The following NAPA variants were observed in gnomAD, a reference collection of about 807,000 sequenced individuals.
NAPA encodes the protein NSF attachment protein alpha, also known as alpha-soluble NSF attachment protein.
A neutral mutation model predicts 48.0 loss-of-function variants in NAPA; 18 were observed. The observed-to-expected ratio is 0.38, with a 90% confidence interval of 0.26 to 0.56. The LOEUF (loss-of-function observed/expected upper bound fraction) is 0.56. Ranked by LOEUF, NAPA falls within the 20% of genes least tolerant of loss-of-function variation. The pLI, the probability that NAPA is intolerant of heterozygous loss-of-function variation, is 0.77. For missense variants in NAPA, 315 were observed against 385.0 expected (o/e 0.82, Z 1.52); for synonymous variants, 152 against 149.9 (o/e 1.01, Z -0.10).
At chr19:47,509,165 C>A (rs1968752369) in intron 1 of NAPA, among the ~76,000 whole-genome samples, 2 of 152,048 alleles carry the variant, frequency 1.3e-5, no homozygotes, top group Non-Finnish European at 2.9e-5. Context: ...ATAGTCAATA[C>A]TTGGCACAGA....
chr19:47,507,509 C>A lies in NAPA; in HGVS notation c.99-4007G>T, dbSNP rs543496340. Among the ~76,000 whole-genome samples the A allele has an allele frequency of 2.7e-4, 41 of 152,152 alleles. 1 individual carries two copies. The highest frequency in any genetic ancestry group is 5.0e-4 in the Non-Finnish European group (34 of 68,022). ...CGAGGCAGGGTGGACAAAGTCAGGCCCCCATTTCGGGTCCTGGACTCACTC... is the reference window on the plus strand; with the variant it reads ...CGAGGCAGGGTGGACAAAGTCAGGCACCCATTTCGGGTCCTGGACTCACTC... On this transcript the variant is annotated intron_variant, in intron 1 of 10. Transcript: ENST00000263354.
chr19:47,513,051 C>G (rs2122786471), intron 1 of NAPA, among the ~76,000 whole-genome samples: 1 of 152,318 alleles, frequency 6.6e-6, no homozygotes, highest in Middle Eastern at 3.4e-3. Context: ...AGTCCTTTCC[C>G]AGGTCTCCTC....
chr19:47,488,292 C>T lies in NAPA; in HGVS notation c.884G>A (p.Arg295His). The T allele has an allele frequency of 6.2e-7, 1 of 1,612,274 alleles. No individual in the cohort carries two copies. The highest frequency in any genetic ancestry group is 8.5e-7 in the Non-Finnish European group (1 of 1,178,898). Reference sequence around the variant, plus strand: ...CACTGGGGGGCTGGGTGGGGCTTAGCGCAGGTCCTCCTCATCGCCCTGGAT... The same window carrying T: ...CACTGGGGGGCTGGGTGGGGCTTAGTGCAGGTCCTCCTCATCGCCCTGGAT... ...KTIQGDEEDL[R>H] Residue 295 changes from arginine (R) to histidine (H), a missense_variant, in exon 11 of 11, where the codon CGC becomes CAC. By Grantham distance (29) the Arg-to-His change is conservative (BLOSUM62 0). This residue lies in a region of NAPA where 137 missense variants were observed against 150.1 expected (regional missense o/e 0.91). Coordinates refer to ENST00000263354, the MANE Select transcript of NAPA (RefSeq NM_003827.4).
In NAPA at chr19:47,493,770, C is replaced by G; in HGVS notation, c.343-277G>C. Reference sequence around the variant, plus strand: ...TAATTCCATCCCATCCACGAGGGCACAGATGGTGTGACACCAGAGAGAATG... The same window carrying G: ...TAATTCCATCCCATCCACGAGGGCAGAGATGGTGTGACACCAGAGAGAATG... On this transcript the variant is annotated intron_variant, in intron 4 of 10. Coordinates refer to ENST00000263354, the MANE Select transcript of NAPA (RefSeq NM_003827.4). This position sits in a 1 kb window ranked among gnomAD's most constrained non-coding sequence, Gnocchi z 6.4. 1 of 454,590 alleles carries G rather than the reference C, an allele frequency of 2.2e-6. No individual in the cohort carries two copies. Among genetic ancestry groups the G allele is most frequent in the Non-Finnish European group, 4.1e-6 (1 of 246,542 alleles). The allele number at this position is 454,590 out of a possible 1,614,324, so 28.2% of individuals were successfully genotyped here. A position where few individuals can be genotyped will look rare whatever the true frequency, so the allele number is the denominator to read the frequency against.
At chr19:47,512,984 G>A (rs1968834154) in intron 1 of NAPA, among the ~76,000 whole-genome samples, 3 of 151,518 alleles carry the variant, frequency 2.0e-5, no homozygotes, top group African/African-American at 4.9e-5. Context: ...TCCCACCACC[G>A]TCCCCAGGCT....
In NAPA at chr19:47,514,999, C is replaced by T. The variant is rs927833971; in HGVS notation, c.-59G>A. 2.6e-6 allele frequency: 4 copies of T among 1,543,752 alleles called. No homozygotes were observed. The highest frequency in any genetic ancestry group is 1.4e-5 in the African/African-American group (1 of 72,788). On this transcript the variant is annotated 5_prime_UTR_variant, in exon 1 of 11. Transcript: ENST00000263354. Reference sequence around the variant, plus strand: ...CCCTGACCCTGGGAAGACTCAGCCGCGGCCGGGCCGCGGAACACAGATCGG... The same window carrying T: ...CCCTGACCCTGGGAAGACTCAGCCGTGGCCGGGCCGCGGAACACAGATCGG...
chr19:47,494,050 C>T (rs1267121323), intron 4 of NAPA, among the ~76,000 whole-genome samples: 1 of 152,246 alleles, frequency 6.6e-6, no homozygotes. Flanking sequence ...TTCCATCCGC[C>T]TCCACCCAGT....
chr19:47,510,106 T>G lies in NAPA; in HGVS notation c.98+4737A>C, dbSNP rs557072397. ...GAGATGCCAAGTTTTCAGTTGTGGATCTTGGCAGCTGGCAGGGCACTGTGA... is the reference window on the plus strand; with the variant it reads ...GAGATGCCAAGTTTTCAGTTGTGGAGCTTGGCAGCTGGCAGGGCACTGTGA... On this transcript the variant is annotated intron_variant, in intron 1 of 10. Transcript: ENST00000263354. Among the ~76,000 whole-genome samples the G allele has an allele frequency of 1.4e-3, 214 of 152,294 alleles. 5 individuals carry two copies. In the South Asian group the frequency reaches 0.043, roughly 30 times the overall value.
chr19:47,504,736 GACAC>G (rs146748214), intron 1 of NAPA, among the ~76,000 whole-genome samples: 1 of 151,112 alleles, frequency 6.6e-6, no homozygotes, highest in Non-Finnish European at 1.5e-5. Flanking sequence ...CACATACACA[GACAC>G]ACACACACAC....
Position 47,490,833 on chromosome 19 carries a change from C to T in NAPA, c.690G>A (p.Glu230=). 6.2e-7 allele frequency: 1 copy of T among 1,613,766 alleles called. No individual in the cohort carries two copies. The highest frequency in any genetic ancestry group is 8.5e-7 in the Non-Finnish European group (1 of 1,179,820). ...GGGAATCAGAGAAAGCTGGGAACAG[C>T]TCCTCATACTTTTGGACAGCCAGCT... ...NAKLAVQKYE[E]LFPAFSDSRE... The change falls in exon 9 of 11, where the codon GAG becomes GAA. Residue 230 remains glutamate (E), a synonymous_variant. Coordinates refer to ENST00000263354, the MANE Select transcript of NAPA (RefSeq NM_003827.4).
intron 2 of NAPA, among the ~76,000 whole-genome samples, chr19:47,502,214 C>T (rs1968592390): frequency 7.9e-6 from 1 of 126,712 alleles, no homozygotes; most frequent in Non-Finnish European, 1.6e-5. Flanking sequence ...GCACTCCAGC[C>T]TGGCAACAGA....
At chr19:47,511,893 C>T (rs1439765991) in intron 1 of NAPA, among the ~76,000 whole-genome samples, 2 of 152,162 alleles carry the variant, frequency 1.3e-5, no homozygotes, top group South Asian at 2.1e-4. Flanking sequence ...TCCCCCACAC[C>T]AGCTGCTGCA....
chr19:47,489,794 C>T (rs1968189706), intron 9 of NAPA, 33 bp from the exon 10 acceptor site: 1 of 1,610,954 alleles, frequency 6.2e-7, no homozygotes, highest in Admixed American at 1.7e-5. Flanking sequence ...GGTCAGGGGC[C>T]TATGCTGACC....
At chr19:47,499,030 T>A (rs562170945) in intron 3 of NAPA, among the ~76,000 whole-genome samples, 19 of 152,270 alleles carry the variant, frequency 1.2e-4, no homozygotes, top group South Asian at 2.1e-4. Flanking sequence ...GGATGTAACA[T>A]CATCTTTATA....
At chr19:47,504,397 CAAAAAAAAAAAAAA>C (rs11367620) in intron 1 of NAPA, among the ~76,000 whole-genome samples, 1 of 57,212 alleles carries the variant, frequency 1.7e-5, no homozygotes, top group Admixed American at 2.2e-4. Flanking sequence ...GACCTTGTCT[CAAAAAAAAAAAAAA>C]AAAAAAAAAG....
Position 47,493,590 on chromosome 19 carries a change from G to A in NAPA, c.343-97C>T, listed in dbSNP as rs1021199619. On this transcript the variant is annotated intron_variant, in intron 4 of 10. Coordinates refer to ENST00000263354, the MANE Select transcript of NAPA (RefSeq NM_003827.4). The surrounding 1 kb of genome is among the most constrained non-coding windows in gnomAD (Gnocchi z 6.4). ...CTTCAAGTTCCCACCCCTCAGCCACGCCTGTGAGGAGGTATGAAGAAGACC... is the reference window on the plus strand; with the variant it reads ...CTTCAAGTTCCCACCCCTCAGCCACACCTGTGAGGAGGTATGAAGAAGACC... The A allele has an allele frequency of 1.1e-5, 11 of 1,012,104 alleles. No individual in the cohort carries two copies. Among genetic ancestry groups the A allele is most frequent in the South Asian group, 5.1e-5 (4 of 77,838 alleles). 62.7% of individuals were successfully genotyped at this position (1,012,104 alleles called of 1,614,324 possible).
In NAPA at chr19:47,506,241, A is replaced by G. The variant is rs992455965; in HGVS notation, c.99-2739T>C. The stretch of plus-strand genomic sequence containing the variant: ...TCGAACTCCTGACCTCAAGTGGTCC[A>G]CTCGCCTCGGCCTCCCAAAGTGCTG... On this transcript the variant is annotated intron_variant, in intron 1 of 10. Coordinates refer to ENST00000263354, the MANE Select transcript of NAPA (RefSeq NM_003827.4). The surrounding 1 kb of genome is among the most constrained non-coding windows in gnomAD (Gnocchi z 4.0). 6.6e-6 allele frequency among the ~76,000 whole-genome samples: 1 copy of G among 151,464 alleles called. No homozygotes were observed. The highest frequency in any genetic ancestry group is 6.6e-5 in the Admixed American group (1 of 15,220).
intron 1 of NAPA, among the ~76,000 whole-genome samples, chr19:47,509,395 A>T (rs1354045614): frequency 1.3e-5 from 2 of 152,228 alleles, no homozygotes; most frequent in Non-Finnish European, 2.9e-5. Context: ...GTAGTCAGAC[A>T]GGCCTGGCCT....
At chr19:47,505,716 T>A (rs954540549) in intron 1 of NAPA, among the ~76,000 whole-genome samples, 1 of 152,184 alleles carries the variant, frequency 6.6e-6, no homozygotes, top group Non-Finnish European at 1.5e-5. Flanking sequence ...GCCCCCACGG[T>A]GGGCGGGCTG....
Sources: gnomAD v4.1 joint callset for allele counts (sites outside exome capture counted in the v4.1 genomes callset) on GRCh38, gnomAD v4.1.1 for gene constraint, gnomAD v4.1.1 regional missense constraint, Gnocchi (gnomAD v3.1) non-coding constraint, MANE v1.5 for transcripts, NCBI Gene and HGNC (gene_info 2026-07-23, HGNC 2026-07-21) for gene names.